Variants in VPS18 observed in about 807,000 individuals in gnomAD.
VPS18 encodes VPS18 core subunit of CORVET and HOPS complexes, also known as vacuolar protein sorting-associated protein 18 homolog.
In VPS18, 25 loss-of-function variants were observed where a neutral mutation model predicts 82.0. That is an observed-to-expected ratio of 0.30 (90% CI 0.22 to 0.43). The LOEUF (loss-of-function observed/expected upper bound fraction) is 0.43, where lower values mean the gene tolerates loss of function less well. Ranked by LOEUF, VPS18 falls within the 20% of genes least tolerant of loss-of-function variation. VPS18 has a pLI of 1.00. For synonymous variants in VPS18, 523 were observed against 543.0 expected (o/e 0.96, Z 0.51); for missense variants, 1,168 against 1,311.1 (o/e 0.89, Z 1.69).
rs563342264 is a variant in VPS18, at chr15:40,902,120, T to C, written c.2197-496T>C. 8.1e-5 allele frequency among the ~76,000 whole-genome samples: 12 copies of C among 148,878 alleles called. No individual in the cohort carries two copies. The highest frequency in any genetic ancestry group is 5.3e-4 in the Admixed American group (8 of 14,994). ...TCTTTCTTTCTTTCTTTCTTTCTTT[T>C]TTTTTTTTTTGAGACGGAGTCTTGC... is the stretch of plus-strand genomic sequence containing the variant. On this transcript the variant is annotated intron_variant, in intron 4 of 4. Transcript: ENST00000220509. The surrounding 1 kb of genome is among the most constrained non-coding windows in gnomAD (Gnocchi z 4.2).
Position 40,903,654 on chromosome 15 carries a change from A to C in VPS18, c.*313A>C, listed in dbSNP as rs567590699. 1.1e-5 allele frequency: 3 copies of C among 268,302 alleles called. No individual in the cohort carries two copies. The South Asian group carries it at 3.0e-4, about 27-fold the overall frequency. The allele number at this position is 268,302 out of a possible 1,614,324, so 16.6% of individuals were successfully genotyped here. A position where few individuals can be genotyped will look rare whatever the true frequency, so the allele number is the denominator to read the frequency against. On this transcript the variant is annotated 3_prime_UTR_variant, in exon 5 of 5. Transcript: ENST00000220509. Reference sequence around the variant, plus strand: ...CTCTAGCACCTCTTCTGTCCCTGTCATTCCCCACACACGTCCTGTTCACCT... The same window carrying C: ...CTCTAGCACCTCTTCTGTCCCTGTCCTTCCCCACACACGTCCTGTTCACCT...
intron 2 of VPS18, among the ~76,000 whole-genome samples, chr15:40,898,357 C>G (rs1030565146): frequency 1.3e-5 from 2 of 152,048 alleles, no homozygotes; most frequent in Non-Finnish European, 2.9e-5. Context: ...CCTCTGTGCC[C>G]CTAAAAGCTG....
Position 40,899,586 on chromosome 15 carries a change from C to G in VPS18, c.768C>G (p.Pro256=). 1 of 1,608,708 alleles carries G rather than the reference C, an allele frequency of 6.2e-7. No individual in the cohort carries two copies. Among genetic ancestry groups the G allele is most frequent in the Non-Finnish European group, 8.5e-7 (1 of 1,179,998 alleles). ...GLFAAYTDHP[P]PFREFPSNLG... ...TTGCAGCTTACACGGACCACCCACCCCCATTCCGTGAGTTTCCCAGCAACC... is the reference window on the plus strand; with the variant it reads ...TTGCAGCTTACACGGACCACCCACCGCCATTCCGTGAGTTTCCCAGCAACC... The change falls in exon 4 of 5, where the codon CCC becomes CCG. Residue 256 remains proline (P), a synonymous_variant. Coordinates refer to ENST00000220509, the MANE Select transcript of VPS18 (RefSeq NM_020857.3). This position sits in a 1 kb window ranked among gnomAD's most constrained non-coding sequence, Gnocchi z 4.4.
At chr15:40,894,962 G>T (rs765591940) in intron 1 of VPS18, 103 bp downstream of exon 1, 160 of 1,170,412 alleles carry the variant, frequency 1.4e-4, no homozygotes, top group Middle Eastern at 1.0e-3. Context: ...CCCCTGGGCC[G>T]TGCCTTCCGG....
rs369164608 is a variant in VPS18 at position 40,898,893 on chromosome 15, G to C, written c.234-14G>C. On this transcript the variant is annotated splice_polypyrimidine_tract_variant and intron_variant, in intron 2 of 4. Coordinates refer to ENST00000220509, the MANE Select transcript of VPS18 (RefSeq NM_020857.3). ...TTCCCTTCTCTAAAGTGATGGTGAC[G>C]CTTGTCCCCACAGCATTGACTTGGG... The C allele has an allele frequency of 1.2e-6, 2 of 1,611,876 alleles. No individual in the cohort carries two copies. The highest frequency in any genetic ancestry group is 1.1e-5 in the South Asian group (1 of 90,776).
chr15:40,903,439 T>A lies in VPS18; in HGVS notation c.*98T>A, dbSNP rs748603283. The A allele has an allele frequency of 3.4e-6, 5 of 1,469,668 alleles. No individual in the cohort carries two copies. Among genetic ancestry groups the A allele is most frequent in the Non-Finnish European group, 4.5e-6 (5 of 1,107,736 alleles). 91.0% of individuals were successfully genotyped at this position (1,469,668 alleles called of 1,614,324 possible). On this transcript the variant is annotated 3_prime_UTR_variant, in exon 5 of 5. Coordinates refer to ENST00000220509, the MANE Select transcript of VPS18 (RefSeq NM_020857.3). ...TAGGCTCTGCTCAGTCATCTTGCAA[T>A]TGCCACACTGTGACCACGTTGACGG...
At position 40,899,512 on chromosome 15, in the gene VPS18, A is replaced by T; in HGVS notation, c.694A>T (p.Ile232Leu). Reference protein sequence around the residue: ...ATTRQRLFQFIGRAAEGAEAQ... With the variant: ...ATTRQRLFQFLGRAAEGAEAQ... Reference sequence around the variant, plus strand: ...CACTCGGCAGCGCCTCTTCCAGTTCATAGGCCGAGCAGCAGAGGGGGCTGA... The same window carrying T: ...CACTCGGCAGCGCCTCTTCCAGTTCTTAGGCCGAGCAGCAGAGGGGGCTGA... The change falls in exon 4 of 5, where the codon ATA (isoleucine) becomes TTA (leucine). Residue 232 changes from isoleucine (I) to leucine (L), a missense_variant. Transcript: ENST00000220509. This position sits in a 1 kb window ranked among gnomAD's most constrained non-coding sequence, Gnocchi z 4.4. 3 of 1,611,250 alleles carry T rather than the reference A, an allele frequency of 1.9e-6. No individual in the cohort carries two copies. The highest frequency in any genetic ancestry group is 2.5e-6 in the Non-Finnish European group (3 of 1,179,980).
intron 1 of VPS18, among the ~76,000 whole-genome samples, chr15:40,895,539 C>T (rs1009322075): frequency 6.6e-6 from 1 of 152,070 alleles, no homozygotes. Flanking sequence ...CTCATTACCG[C>T]ATGGGCAGGG....
chr15:40,897,502 A>G (rs1265559697), intron 2 of VPS18, among the ~76,000 whole-genome samples: 1 of 152,238 alleles, frequency 6.6e-6, no homozygotes, highest in Non-Finnish European at 1.5e-5. Flanking sequence ...TATGAGTATG[A>G]AAAAAGATGT....
At position 40,899,802 on chromosome 15, in the gene VPS18, C is replaced by T. The variant is rs773592065; in HGVS notation, c.984C>T (p.Ile328=). ...CTGGGGCCAGCCCACCCCTAGCCAT[C>T]GTCTTGACCCAGTTCCACTTCCTGC... ...VGPGASPPLA[I]VLTQFHFLLL... Residue 328 remains isoleucine, a synonymous_variant, in exon 4 of 5, where the codon ATC becomes ATT. Transcript: ENST00000220509. The surrounding 1 kb of genome is among the most constrained non-coding windows in gnomAD (Gnocchi z 4.4). The T allele has an allele frequency of 4.0e-5, 64 of 1,611,122 alleles. No individual in the cohort carries two copies. Among genetic ancestry groups the T allele is most frequent in the South Asian group, 2.9e-4 (26 of 91,096 alleles).
Position 40,899,050 on chromosome 15 carries a change from G to T in VPS18, c.325+52G>T. 6.2e-7 allele frequency: 1 copy of T among 1,605,848 alleles called. No homozygotes were observed. Among genetic ancestry groups the T allele is most frequent in the South Asian group, 1.1e-5 (1 of 87,170 alleles). On this transcript the variant is annotated intron_variant, in intron 3 of 4. Transcript: ENST00000220509. This position sits in a 1 kb window ranked among gnomAD's most constrained non-coding sequence, Gnocchi z 4.4. ...GGGGTCTCTGGTCAGTCACTGCCTG[G>T]GTGGGTGGGCTCTGAGGGTGGTGTG...
Position 40,899,420 on chromosome 15 carries a change from G to C in VPS18, c.602G>C (p.Gly201Ala). 2.5e-6 allele frequency: 4 copies of C among 1,603,726 alleles called. No homozygotes were observed. Among genetic ancestry groups the C allele is most frequent in the Non-Finnish European group, 3.4e-6 (4 of 1,172,444 alleles). ...RPLYVLNEEGGPAPVCSLEAE... is the reference protein window; with the variant it reads ...RPLYVLNEEGAPAPVCSLEAE... ...TTGTACGTGCTAAATGAAGAAGGGG[G>C]TCCAGCACCTGTGTGCTCCCTTGAG... Residue 201 changes from glycine (G) to alanine (A), a missense_variant, in exon 4 of 5, where the codon GGT becomes GCT. Physicochemically the swap from Gly to Ala is moderately conservative, Grantham distance 60. Coordinates refer to ENST00000220509, the MANE Select transcript of VPS18 (RefSeq NM_020857.3). The surrounding 1 kb of genome is among the most constrained non-coding windows in gnomAD (Gnocchi z 4.4).
At position 40,894,536 on chromosome 15, in the gene VPS18, T is replaced by G; in HGVS notation, c.-233T>G. 2.5e-6 allele frequency: 1 copy of G among 399,322 alleles called. No homozygotes were observed. The highest frequency in any genetic ancestry group is 4.4e-6 in the Non-Finnish European group (1 of 225,050). The allele number at this position is 399,322 out of a possible 1,614,324, so 24.7% of individuals were successfully genotyped here. A position where few individuals can be genotyped will look rare whatever the true frequency, so the allele number is the denominator to read the frequency against. ...ATTTTTTTGTAGCGGGGGCGGGGAG[T>G]AAGGTGCAAGACTGCGCCAGATTCA... On this transcript the variant is annotated 5_prime_UTR_variant, in exon 1 of 5. Coordinates refer to ENST00000220509, the MANE Select transcript of VPS18 (RefSeq NM_020857.3).
In VPS18 at chr15:40,902,510, T is replaced by G. The variant is rs1596179672; in HGVS notation, c.2197-106T>G. On this transcript the variant is annotated intron_variant, in intron 4 of 4. Transcript: ENST00000220509. The surrounding 1 kb of genome is among the most constrained non-coding windows in gnomAD (Gnocchi z 4.2). The stretch of plus-strand genomic sequence containing the variant: ...CGGCAGGCCCCCTTGCTTCCAGGAG[T>G]GCTGGGAATCCTGCCTCGGGGCCTC... 6.9e-7 allele frequency: 1 copy of G among 1,439,742 alleles called. No individual in the cohort carries two copies. Among genetic ancestry groups the G allele is most frequent in the Non-Finnish European group, 9.2e-7 (1 of 1,087,812 alleles). 89.2% of individuals were successfully genotyped at this position (1,439,742 alleles called of 1,614,324 possible). A position where few individuals can be genotyped will look rare whatever the true frequency, so the allele number is the denominator to read the frequency against.
At position 40,903,139 on chromosome 15, in the gene VPS18, C is replaced by T. The variant is rs768970752; in HGVS notation, c.2720C>T (p.Pro907Leu). Residue 907 changes from proline to leucine, a missense_variant, in exon 5 of 5, where the codon CCC becomes CTC. Pro to Leu is a moderately conservative substitution (Grantham distance 98). Around this residue, in one of 3 missense-constraint regions of VPS18, gnomAD observed 296 missense variants for 354.0 expected, o/e 0.84. Coordinates refer to ENST00000220509, the MANE Select transcript of VPS18 (RefSeq NM_020857.3). ...ELQRKLGAAP[P>L]PAKGSARAKE... ...CAGAGGAAGCTGGGGGCTGCTCCAC[C>T]CCCAGCCAAGGGCTCTGCCCGGGCC... 1.2e-6 allele frequency: 2 copies of T among 1,608,560 alleles called. No individual in the cohort carries two copies. Among genetic ancestry groups the T allele is most frequent in the African/African-American group, 2.7e-5 (2 of 74,814 alleles).
chr15:40,901,962 AGAG>A (rs1892366216), intron 4 of VPS18, among the ~76,000 whole-genome samples: 1 of 152,164 alleles, frequency 6.6e-6, no homozygotes, highest in Non-Finnish European at 1.5e-5. Context: ...CGTTAGCAGA[AGAG>A]GAGGGTGCTG....
At position 40,899,973 on chromosome 15, in the gene VPS18, T is replaced by C; in HGVS notation, c.1155T>C (p.Ala385=). Residue 385 remains alanine, a synonymous_variant, in exon 4 of 5, where the codon GCT becomes GCC. Coordinates refer to ENST00000220509, the MANE Select transcript of VPS18 (RefSeq NM_020857.3). The surrounding 1 kb of genome is among the most constrained non-coding windows in gnomAD (Gnocchi z 4.4). ...TGQLWAYTER[A]VFRYHVQREA... is the part of the protein sequence containing the mutation. ...AGCTGTGGGCCTACACTGAGCGGGC[T>C]GTCTTCCGCTACCACGTGCAACGGG... 1.9e-6 allele frequency: 3 copies of C among 1,614,004 alleles called. No homozygotes were observed. Among genetic ancestry groups the C allele is most frequent in the Non-Finnish European group, 2.5e-6 (3 of 1,180,020 alleles).
At position 40,899,111 on chromosome 15, in the gene VPS18, A is replaced by G; in HGVS notation, c.326-33A>G. 1.9e-6 allele frequency: 3 copies of G among 1,605,078 alleles called. No homozygotes were observed. Among genetic ancestry groups the G allele is most frequent in the Non-Finnish European group, 2.6e-6 (3 of 1,173,728 alleles). On this transcript the variant is annotated intron_variant, in intron 3 of 4. Transcript: ENST00000220509. The surrounding 1 kb of genome is among the most constrained non-coding windows in gnomAD (Gnocchi z 4.4). ...GGAGGCTGAGGATGGGAACGGCAGC[A>G]TCCACTGGGGCGCCATGCTCTCCCC...
At position 40,899,740 on chromosome 15, in the gene VPS18, G is replaced by T; in HGVS notation, c.922G>T (p.Glu308Ter). The T allele has an allele frequency of 6.2e-7, 1 of 1,613,812 alleles. No individual in the cohort carries two copies. Among genetic ancestry groups the T allele is most frequent in the East Asian group, 2.2e-5 (1 of 44,880 alleles). Residue 308 changes from glutamate to a stop codon, truncating the protein, a stop_gained, in exon 4 of 5, where the codon GAG (glutamate) becomes TAG (stop). Transcript: ENST00000220509. LOFTEE classifies it high-confidence loss of function. The surrounding 1 kb of genome is among the most constrained non-coding windows in gnomAD (Gnocchi z 4.4). ...DCGRPDSLLS[E>*]ERVWEYPEGV... ...TGGGCGCCCTGACTCTCTGCTGAGCGAGGAGCGAGTCTGGGAGTACCCAGA... is the reference window on the plus strand; with the variant it reads ...TGGGCGCCCTGACTCTCTGCTGAGCTAGGAGCGAGTCTGGGAGTACCCAGA...
Sources: allele counts gnomAD v4.1 joint callset (sites outside exome capture counted in the v4.1 genomes callset), GRCh38; gene constraint gnomAD v4.1.1; regional missense constraint gnomAD v4.1.1; non-coding constraint Gnocchi (gnomAD v3.1); transcripts MANE v1.5; gene names NCBI Gene and HGNC (gene_info 2026-07-23, HGNC 2026-07-21).